HSPH1: variants seen among roughly 807,000 people sequenced by gnomAD.
HSPH1 encodes heat shock protein 105 kDa.
A neutral mutation model predicts 100.0 loss-of-function variants in HSPH1; 40 were observed. The observed-to-expected ratio is 0.40, with a 90% CI of 0.31 to 0.52. The LOEUF (loss-of-function observed/expected upper bound fraction) is 0.52, where lower values mean the gene tolerates loss of function less well. Among genes scored for constraint, HSPH1 ranks in the 20% least tolerant of loss-of-function variants. The pLI is 0.54. For missense variants in HSPH1, 876 were observed against 1,015.1 expected (o/e 0.86, Z 1.86); for synonymous variants, 403 against 344.0 (o/e 1.17, Z -1.90).
At chr13:31,139,268 T>C (rs185618087) in intron 14 of HSPH1, 161 bp from the exon 15 acceptor site, 62 of 585,278 alleles carry the variant, frequency 1.1e-4, no homozygotes, top group East Asian at 4.4e-4. Context: ...ATGGCTCTCA[T>C]TGACTTAAAA....
intron 13 of HSPH1, 59 bp downstream of exon 13, chr13:31,141,063 T>C: frequency 9.3e-7 from 1 of 1,079,768 alleles, no homozygotes; most frequent in Non-Finnish European, 1.3e-6. Context: ...GAAATATAGA[T>C]ATCAGGGCCA....
At chr13:31,141,769 G>C (rs1344646128) in intron 12 of HSPH1, among the ~76,000 whole-genome samples, 2 of 147,568 alleles carry the variant, frequency 1.4e-5, no homozygotes, top group Non-Finnish European at 3.0e-5. Flanking sequence ...ATTGAACTTG[G>C]AGTACATATA....
intron 5 of HSPH1, chr13:31,152,459 C>T (rs1956522278): frequency 5.5e-6 from 1 of 182,852 alleles, no homozygotes; most frequent in African/African-American, 2.4e-5. Flanking sequence ...GATAAATGAT[C>T]ACCTATCTAC....
chr13:31,145,043 C>A (rs984106819), intron 11 of HSPH1, among the ~76,000 whole-genome samples: 3 of 152,122 alleles, frequency 2.0e-5, no homozygotes, highest in Admixed American at 6.6e-5. Context: ...AGAACTAGCA[C>A]TCATGCTAAT....
chr13:31,139,155 T>A (rs1423687607), intron 14 of HSPH1, 48 bp from the exon 15 acceptor site: 1 of 1,184,856 alleles, frequency 8.4e-7, no homozygotes, highest in South Asian at 1.2e-5. Flanking sequence ...CTTCAGAATT[T>A]TTCACAACAA....
rs1163280818 is a variant in HSPH1, at chr13:31,136,514, A to G, written c.*804T>C. The G allele has an allele frequency of 1.3e-5, 2 of 152,442 alleles. No individual in the cohort carries two copies. The highest frequency in any genetic ancestry group is 4.8e-5 in the African/African-American group (2 of 41,460). 9.4% of individuals were successfully genotyped at this position (152,442 alleles called of 1,614,324 possible). A position where few individuals can be genotyped will look rare whatever the true frequency, so the allele number is the denominator to read the frequency against. ...AGGAGAAAAACATTTTCACTTAGAA[A>G]AGAGAGAACATAAGCAGTAAAAAAG... is the stretch of plus-strand genomic sequence containing the variant. On this transcript the variant is annotated 3_prime_UTR_variant, in exon 18 of 18. Transcript: ENST00000320027.
At position 31,140,187 on chromosome 13, in the gene HSPH1, C is replaced by T. The variant is rs1194853210; in HGVS notation, c.1977G>A (p.Glu659=). Residue 659 remains glutamate (E), a synonymous_variant, in exon 14 of 18, where the codon GAG becomes GAA. Coordinates refer to ENST00000320027, the MANE Select transcript of HSPH1 (RefSeq NM_006644.4). ...AAAACAGAGCTCTAAGACATACCTG[C>T]TCACATATAAATTTTTCATATGGTC... The part of the protein sequence containing the change: ...LCGPYEKFIC[E]QDHQNFLRLL... The T allele has an allele frequency of 2.5e-6, 4 of 1,610,366 alleles. No individual in the cohort carries two copies. Among genetic ancestry groups the T allele is most frequent in the Non-Finnish European group, 2.5e-6 (3 of 1,177,822 alleles).
chr13:31,140,090 A>C, intron 14 of HSPH1, 94 bp downstream of exon 14: 1 of 1,225,608 alleles, frequency 8.2e-7, no homozygotes, highest in South Asian at 1.8e-5. Context: ...TTTAAGTTAC[A>C]TAATTGAGTA....
chr13:31,137,581 A>C, intron 17 of HSPH1, 57 bp from the exon 18 acceptor site: 1 of 1,284,108 alleles, frequency 7.8e-7, no homozygotes, highest in Non-Finnish European at 1.1e-6. Context: ...GTTCATTTTC[A>C]ACTGCTTCTC....
rs1956927118 is a variant in HSPH1 at position 31,161,769 on chromosome 13, G to A, written c.-187C>T. The stretch of plus-strand genomic sequence containing the variant: ...CTGTCAGGAGCCTCCTACTCCCCCG[G>A]GGACAGCGGCGGCTGGCTGATAAGA... On this transcript the variant is annotated 5_prime_UTR_variant, in exon 1 of 18. Coordinates refer to ENST00000320027, the MANE Select transcript of HSPH1 (RefSeq NM_006644.4). 1 of 1,509,326 alleles carries A rather than the reference G, an allele frequency of 6.6e-7. No individual in the cohort carries two copies. Among genetic ancestry groups the A allele is most frequent in the Non-Finnish European group, 8.8e-7 (1 of 1,130,776 alleles). 93.5% of individuals were successfully genotyped at this position (1,509,326 alleles called of 1,614,324 possible).
intron 2 of HSPH1, 112 bp from the exon 3 acceptor site, chr13:31,155,766 C>T (rs923786149): frequency 2.2e-5 from 17 of 785,766 alleles, no homozygotes; most frequent in African/African-American, 8.9e-5. Flanking sequence ...TATGAGTGCA[C>T]ATAAGTTGCC....
chr13:31,145,951 C>CA (rs541932896), intron 10 of HSPH1, among the ~76,000 whole-genome samples, 183 bp from the exon 11 acceptor site: 6 of 151,332 alleles, frequency 4.0e-5, no homozygotes, highest in Non-Finnish European at 5.9e-5. Context: ...TCTGTCTCTA[C>CA]AAAAAAAATA....
chr13:31,161,128 C>G (rs1449711793), intron 1 of HSPH1, among the ~76,000 whole-genome samples: 2 of 152,210 alleles, frequency 1.3e-5, no homozygotes, highest in African/African-American at 2.4e-5. Context: ...AGGCTGCAGC[C>G]TGCCAAGAAA....
intron 13 of HSPH1, 149 bp from the exon 14 acceptor site, chr13:31,140,458 A>C: frequency 1.9e-6 from 1 of 524,534 alleles, no homozygotes; most frequent in Non-Finnish European, 3.1e-6. Context: ...AACTCTTCCT[A>C]CAAACCAAAC....
intron 14 of HSPH1, 22 bp downstream of exon 14, chr13:31,140,162 A>T (rs766726879): frequency 1.3e-6 from 2 of 1,599,660 alleles, no homozygotes; most frequent in East Asian, 4.5e-5. Flanking sequence ...TATCTGAACA[A>T]AAACAGAGCT....
At chr13:31,144,425 T>TCA (rs1290419414) in intron 11 of HSPH1, among the ~76,000 whole-genome samples, 3 of 152,172 alleles carry the variant, frequency 2.0e-5, no homozygotes, top group African/African-American at 7.2e-5. Context: ...CAGCCAAGAC[T>TCA]CACTCTGTCC....
At chr13:31,162,304 G>C, upstream of HSPH1, 1 of 598,128 alleles carries the variant, frequency 1.7e-6, no homozygotes, top group East Asian at 2.8e-5. Context: ...CATTTTTGCA[G>C]AGACCCCAGA....
At position 31,151,616 on chromosome 13, in the gene HSPH1, T is replaced by A. The variant is rs1228966297; in HGVS notation, c.656A>T (p.Lys219Ile). Residue 219 changes from lysine to isoleucine, a missense_variant, in exon 6 of 18, where the codon AAA (lysine) becomes ATA (isoleucine). Physicochemically the swap from Lys to Ile is moderately radical, Grantham distance 102. Transcript: ENST00000320027. Reference protein sequence around the residue: ...QVSACAFNKGKLKVLGTAFDP... With the variant: ...QVSACAFNKGILKVLGTAFDP... ...TCCAATGTATGACTTTACCTTCAAT[T>A]TTCCCTTGTTAAAAGCACAAGCAGA... 1.2e-6 allele frequency: 2 copies of A among 1,609,716 alleles called. No homozygotes were observed. Among genetic ancestry groups the A allele is most frequent in the Non-Finnish European group, 1.7e-6 (2 of 1,178,710 alleles).
intron 1 of HSPH1, among the ~76,000 whole-genome samples, chr13:31,160,695 A>G (rs1303749404): frequency 6.6e-6 from 1 of 152,196 alleles, no homozygotes; most frequent in Non-Finnish European, 1.5e-5. Flanking sequence ...TCCTAGCACA[A>G]AAGTATGCAA....
Sources: allele counts gnomAD v4.1 joint callset (sites outside exome capture counted in the v4.1 genomes callset), GRCh38; gene constraint gnomAD v4.1.1; transcripts MANE v1.5; gene names NCBI Gene and HGNC (gene_info 2026-07-23, HGNC 2026-07-21).